Variants in PPARGC1A observed in about 807,000 individuals in gnomAD.
The protein encoded by PPARGC1A is peroxisome proliferator-activated receptor gamma coactivator 1-alpha.
Under a neutral mutation model 88.7 loss-of-function variants are expected in PPARGC1A, and 25 were observed. The observed-to-expected ratio is 0.28, with a 90% CI of 0.21 to 0.39. The LOEUF (loss-of-function observed/expected upper bound fraction) is 0.39. Ranked by LOEUF, PPARGC1A falls within the 10% of genes least tolerant of loss-of-function variation. The pLI, the probability that PPARGC1A is intolerant of heterozygous loss-of-function variation, is 1.00. For missense variants in PPARGC1A, 880 were observed against 968.7 expected, an observed-to-expected ratio of 0.91 and a Z score of 1.22; for synonymous variants, 363 against 355.6, an observed-to-expected ratio of 1.02 and a Z score of -0.24.
chr4:24,076,654 A>G, the PPARGC1A span, among the ~76,000 whole-genome samples: 1 of 152,098 alleles, frequency 6.6e-6, no homozygotes, highest in African/African-American at 2.4e-5. Flanking sequence ...GCTTGCTGTG[A>G]AATCCCAAAC....
intron 7 of PPARGC1A, among the ~76,000 whole-genome samples, chr4:23,818,997 G>A (rs1029964592): frequency 4.0e-5 from 6 of 151,772 alleles, no homozygotes; most frequent in African/African-American, 4.8e-5. Context: ...TAGGAGATGA[G>A]TTTCTAAGTT....
chr4:23,988,061 T>A, the PPARGC1A span, among the ~76,000 whole-genome samples: 1 of 151,996 alleles, frequency 6.6e-6, no homozygotes, highest in African/African-American at 2.4e-5. Context: ...CTTGTGTTAG[T>A]TTGCTGAGAA....
the PPARGC1A span, among the ~76,000 whole-genome samples, chr4:24,167,440 A>AAGC: frequency 6.6e-6 from 1 of 152,226 alleles, no homozygotes; most frequent in Admixed American, 6.5e-5. Flanking sequence ...TTAGTTGATA[A>AAGC]AGCAGCAGCA....
At chr4:23,959,309 G>A in the PPARGC1A span, among the ~76,000 whole-genome samples, 1 of 152,110 alleles carries the variant, frequency 6.6e-6, no homozygotes, top group East Asian at 1.9e-4. Context: ...ACATGAACTG[G>A]CTGCCCAGTC....
chr4:24,130,097 A>G, the PPARGC1A span, among the ~76,000 whole-genome samples: 1 of 152,188 alleles, frequency 6.6e-6, no homozygotes, highest in Non-Finnish European at 1.5e-5. Context: ...ATGTATACAT[A>G]TGTAACTAAC....
At chr4:23,970,528 C>T in the PPARGC1A span, among the ~76,000 whole-genome samples, 6 of 152,228 alleles carry the variant, frequency 3.9e-5, no homozygotes, top group South Asian at 2.1e-4. Flanking sequence ...CACTGTAATG[C>T]GTGGTTACTG....
the PPARGC1A span, among the ~76,000 whole-genome samples, chr4:24,108,880 A>G: frequency 4.5e-4 from 69 of 152,280 alleles, no homozygotes; most frequent in South Asian, 0.014. Context: ...TGTTGAGAGA[A>G]AAAGATGGGA....
intron 2 of PPARGC1A, among the ~76,000 whole-genome samples, chr4:23,874,408 T>G (rs1247837318): frequency 1.3e-5 from 2 of 152,210 alleles, no homozygotes; most frequent in Non-Finnish European, 2.9e-5. Context: ...CATTTTGGTC[T>G]GCATGGCAGC....
the PPARGC1A span, among the ~76,000 whole-genome samples, chr4:24,225,395 C>T: frequency 1.3e-5 from 2 of 152,096 alleles, no homozygotes; most frequent in Admixed American, 1.3e-4. Flanking sequence ...CGGTGAAACC[C>T]CGTCTCTACT....
chr4:23,798,747 A>T (rs1380192278), intron 12 of PPARGC1A, among the ~76,000 whole-genome samples: 4 of 152,176 alleles, frequency 2.6e-5, no homozygotes, highest in African/African-American at 9.6e-5. Context: ...CTTTAGAAAG[A>T]TCCATTTGCT....
At chr4:24,387,709 C>A in the PPARGC1A span, among the ~76,000 whole-genome samples, 1 of 144,508 alleles carries the variant, frequency 6.9e-6, no homozygotes, top group Non-Finnish European at 1.5e-5. Flanking sequence ...TGCACTCCAG[C>A]CTGGCAAAAG....
At chr4:23,877,635 G>A (rs1363421407) in intron 2 of PPARGC1A, 1 of 150,322 alleles carries the variant, frequency 6.7e-6, no homozygotes, top group Non-Finnish European at 1.5e-5. Flanking sequence ...TTACATCACA[G>A]GCAATTCATT....
the PPARGC1A span, among the ~76,000 whole-genome samples, chr4:24,147,087 A>G: frequency 1.3e-5 from 2 of 152,118 alleles, no homozygotes; most frequent in Non-Finnish European, 2.9e-5. Flanking sequence ...GTGAACAGGT[A>G]TCTAGTTTTA....
the PPARGC1A span, among the ~76,000 whole-genome samples, chr4:24,194,613 C>T: frequency 7.5e-4 from 35 of 46,470 alleles, no homozygotes; most frequent in Admixed American, 2.1e-3. Flanking sequence ...CTGGCACACA[C>T]GCGCGCGCAC....
At chr4:23,825,080 A>G (rs1252298582) in intron 5 of PPARGC1A, 3 of 154,216 alleles carry the variant, frequency 1.9e-5, no homozygotes, top group Non-Finnish European at 4.3e-5. Flanking sequence ...ATAGACAACT[A>G]AAGTAAAACA....
intron 5 of PPARGC1A, among the ~76,000 whole-genome samples, chr4:23,826,836 T>C (rs932925004): frequency 2.6e-5 from 4 of 152,004 alleles, no homozygotes; most frequent in African/African-American, 9.7e-5. Flanking sequence ...AATTCTTCAT[T>C]GTCATGATTT....
chr4:24,210,832 G>A, the PPARGC1A span, among the ~76,000 whole-genome samples: 2 of 152,184 alleles, frequency 1.3e-5, no homozygotes, highest in African/African-American at 2.4e-5. Context: ...CGCCTTCAAC[G>A]GAGGGCACTG....
chr4:23,868,861 T>G (rs1360908249), intron 2 of PPARGC1A, among the ~76,000 whole-genome samples: 1 of 152,250 alleles, frequency 6.6e-6, no homozygotes, highest in Non-Finnish European at 1.5e-5. Flanking sequence ...CTTTCAGTTC[T>G]CATTCCTTAA....
At chr4:24,006,785 C>T in the PPARGC1A span, among the ~76,000 whole-genome samples, 1 of 152,046 alleles carries the variant, frequency 6.6e-6, no homozygotes, top group Non-Finnish European at 1.5e-5. Flanking sequence ...ATTCACTTTA[C>T]ATTATCAGAT....
Sources: gnomAD v4.1 joint callset for allele counts (sites outside exome capture counted in the v4.1 genomes callset) on GRCh38, gnomAD v4.1.1 for gene constraint, MANE v1.5 for transcripts, NCBI Gene and HGNC (gene_info 2026-07-23, HGNC 2026-07-21) for gene names.